Variants in PIP4K2A observed in about 807,000 individuals in gnomAD.
PIP4K2A encodes phosphatidylinositol 5-phosphate 4-kinase type-2 alpha.
In PIP4K2A, 14 loss-of-function variants were observed where a neutral mutation model predicts 42.9. That is an observed-to-expected ratio of 0.33 (90% CI 0.22 to 0.51). The LOEUF (loss-of-function observed/expected upper bound fraction) is 0.51. Ranked by LOEUF, PIP4K2A falls within the 20% of genes least tolerant of loss-of-function variation. The probability of loss-of-function intolerance (pLI) is 0.97; values close to 1 mark genes in which losing one functional copy is unlikely to be tolerated. For missense variants in PIP4K2A, 434 were observed against 519.8 expected (o/e 0.83, Z 1.61); for synonymous variants, 192 against 192.2 (o/e 1.00, Z 0.01).
intron 1 of PIP4K2A, among the ~76,000 whole-genome samples, chr10:22,694,816 T>C (rs1839938280): frequency 1.3e-5 from 2 of 152,220 alleles, no homozygotes; most frequent in African/African-American, 4.8e-5. Context: ...TTTCAATAAA[T>C]GTAAAAAGTT....
At chr10:22,664,743 G>C (rs185744608) in intron 1 of PIP4K2A, among the ~76,000 whole-genome samples, 1 of 151,930 alleles carries the variant, frequency 6.6e-6, no homozygotes, top group African/African-American at 2.4e-5. Context: ...CTTTCAGTAC[G>C]AAGTACTACC....
At chr10:22,589,721 C>CA (rs1397989109) in intron 4 of PIP4K2A, among the ~76,000 whole-genome samples, 1 of 152,226 alleles carries the variant, frequency 6.6e-6, no homozygotes, top group Non-Finnish European at 1.5e-5. Flanking sequence ...TAGGAGCTCA[C>CA]AAGTCCAGGC....
chr10:22,664,128 TAC>T (rs1267155837), intron 1 of PIP4K2A, among the ~76,000 whole-genome samples: 7 of 61,732 alleles, frequency 1.1e-4, no homozygotes, highest in African/African-American at 8.5e-4. Context: ...TATATATATA[TAC>T]ATATATATAT....
chr10:22,552,963 A>G (rs1464154494), intron 6 of PIP4K2A, among the ~76,000 whole-genome samples: 1 of 152,168 alleles, frequency 6.6e-6, no homozygotes, highest in Non-Finnish European at 1.5e-5. Context: ...TACATGCTGG[A>G]TGTGTGTTTG....
At chr10:22,643,852 G>A (rs1409393) in intron 1 of PIP4K2A, among the ~76,000 whole-genome samples, 37,971 of 151,758 alleles carry the variant, frequency 0.25, 5,145 homozygotes, top group Non-Finnish European at 0.31. Context: ...CCCCTCTGAA[G>A]CACCTACCAT....
At chr10:22,601,172 G>GAAAAAAAAAAAAAAAA (rs1837766134) in intron 3 of PIP4K2A, among the ~76,000 whole-genome samples, 1 of 104,620 alleles carries the variant, frequency 9.6e-6, no homozygotes, top group Non-Finnish European at 2.1e-5. Flanking sequence ...AACAAACCAG[G>GAAAAAAAAAAAAAAAA]AACATGTCCC....
At chr10:22,683,835 TCACA>T (rs138327782) in intron 1 of PIP4K2A, among the ~76,000 whole-genome samples, 9,737 of 139,288 alleles carry the variant, frequency 0.07, 470 homozygotes, top group African/African-American at 0.13. Context: ...ACCAAGCAGT[TCACA>T]CACACACACA....
chr10:22,684,266 CG>C (rs1247091392), intron 1 of PIP4K2A, among the ~76,000 whole-genome samples: 1 of 152,094 alleles, frequency 6.6e-6, no homozygotes, highest in East Asian at 1.9e-4. Context: ...CTGATTGGGT[CG>C]TTTTAATTAA....
intron 1 of PIP4K2A, among the ~76,000 whole-genome samples, chr10:22,654,729 A>T (rs1839064068): frequency 1.3e-5 from 2 of 152,234 alleles, no homozygotes; most frequent in South Asian, 4.1e-4. Flanking sequence ...AATTCTGGGC[A>T]GTTAACACCT....
chr10:22,710,038 A>G (rs1291318268), intron 1 of PIP4K2A, among the ~76,000 whole-genome samples: 3 of 150,402 alleles, frequency 2.0e-5, no homozygotes, highest in Non-Finnish European at 3.0e-5. Context: ...ATCTTCTTTC[A>G]GTGCCCAAAT....
intron 1 of PIP4K2A, among the ~76,000 whole-genome samples, chr10:22,695,553 A>C (rs1299192019): frequency 6.6e-6 from 1 of 152,170 alleles, no homozygotes; most frequent in African/African-American, 2.4e-5. Context: ...CCCTATATGA[A>C]GAGAATATTT....
At chr10:22,652,009 A>T (rs1022100891) in intron 1 of PIP4K2A, among the ~76,000 whole-genome samples, 2 of 152,202 alleles carry the variant, frequency 1.3e-5, no homozygotes, top group African/African-American at 4.8e-5. Flanking sequence ...TTGCTATCTA[A>T]ATCAGCTCCT....
intron 9 of PIP4K2A, among the ~76,000 whole-genome samples, chr10:22,537,834 C>T (rs1421938060): frequency 1.3e-5 from 2 of 152,218 alleles, no homozygotes; most frequent in Non-Finnish European, 2.9e-5. Context: ...GCCCCCAGCC[C>T]ATTCCCTGCA....
chr10:22,610,108 T>C (rs987265386), intron 1 of PIP4K2A, among the ~76,000 whole-genome samples: 7 of 152,358 alleles, frequency 4.6e-5, no homozygotes, highest in Admixed American at 3.9e-4. Flanking sequence ...TTTTAAATTT[T>C]TCACGTAAAT....
intron 6 of PIP4K2A, chr10:22,567,532 ACT>A: frequency 1.8e-6 from 1 of 567,348 alleles, no homozygotes; most frequent in South Asian, 1.7e-5. Flanking sequence ...GCAGGAACGC[ACT>A]CTCAGCTGTC....
intron 1 of PIP4K2A, among the ~76,000 whole-genome samples, chr10:22,686,221 T>C (rs1246062303): frequency 6.6e-6 from 1 of 152,198 alleles, no homozygotes; most frequent in Non-Finnish European, 1.5e-5. Context: ...GCCAAATCCT[T>C]GGACAACTTG....
intron 3 of PIP4K2A, among the ~76,000 whole-genome samples, chr10:22,605,891 A>C (rs746747348): frequency 6.6e-6 from 1 of 151,650 alleles, no homozygotes; most frequent in Non-Finnish European, 1.5e-5. Flanking sequence ...GCCTCTTTAA[A>C]TTTAGTAATG....
At chr10:22,569,425 C>A (rs1836928736) in intron 5 of PIP4K2A, among the ~76,000 whole-genome samples, 1 of 152,250 alleles carries the variant, frequency 6.6e-6, no homozygotes, top group Non-Finnish European at 1.5e-5. Flanking sequence ...CCCCTCTGCA[C>A]AGCCATGCCC....
intron 6 of PIP4K2A, among the ~76,000 whole-genome samples, chr10:22,553,564 T>C (rs1248425633): frequency 6.6e-6 from 1 of 152,184 alleles, no homozygotes; most frequent in Non-Finnish European, 1.5e-5. Flanking sequence ...GAAACTGAGA[T>C]CATGCAATTT....
Sources: gnomAD v4.1 joint callset for allele counts (sites outside exome capture counted in the v4.1 genomes callset) on GRCh38, gnomAD v4.1.1 for gene constraint, MANE v1.5 for transcripts, NCBI Gene and HGNC (gene_info 2026-07-23, HGNC 2026-07-21) for gene names.